The following CDC42BPB variants were observed in gnomAD, a reference collection of about 807,000 sequenced individuals.
CDC42BPB encodes serine/threonine-protein kinase MRCK beta.
Under a neutral mutation model 214.9 loss-of-function variants are expected in CDC42BPB, and 37 were observed. That is an observed-to-expected ratio of 0.17 (90% confidence interval 0.13 to 0.23). The LOEUF is 0.23. Ranked by LOEUF, CDC42BPB falls within the 10% of genes least tolerant of loss-of-function variation. The pLI is 1.00. For synonymous variants in CDC42BPB, 931 were observed against 884.0 expected (o/e 1.05, Z -0.94); for missense variants, 1,694 against 2,227.0 (o/e 0.76, Z 4.82).
At chr14:102,956,947 G>T (rs1472021521) in intron 21 of CDC42BPB, among the ~76,000 whole-genome samples, 1 of 150,144 alleles carries the variant, frequency 6.7e-6, no homozygotes, top group Non-Finnish European at 1.5e-5. Context: ...GGGAGGCTGA[G>T]GTGGGTGGAT....
intron 1 of CDC42BPB, among the ~76,000 whole-genome samples, chr14:103,024,561 C>T (rs1040756307): frequency 3.3e-5 from 5 of 152,168 alleles, no homozygotes; most frequent in East Asian, 3.8e-4. Flanking sequence ...AGCAACTATT[C>T]GTAACATCCA....
At position 102,933,759 on chromosome 14, in the gene CDC42BPB, T is replaced by C; in HGVS notation, c.5089A>G (p.Ser1697Gly). 6.7e-7 allele frequency: 1 copy of C among 1,497,788 alleles called. No individual in the cohort carries two copies. Among genetic ancestry groups the C allele is most frequent in the Non-Finnish European group, 8.8e-7 (1 of 1,138,336 alleles). 92.8% of individuals were successfully genotyped at this position (1,497,788 alleles called of 1,614,324 possible). A position where few individuals can be genotyped will look rare whatever the true frequency, so the allele number is the denominator to read the frequency against. Residue 1697 changes from serine (S) to glycine (G), a missense_variant, in exon 37 of 37, where the codon AGC (serine) becomes GGC (glycine). Transcript: ENST00000361246. ...GPPSPNSPHR[S>G]QLPLEGLEQP... ...TCCAGGCCTTCGAGGGGGAGCTGGC[T>C]CCTGTGGGGGGAGTTGGGGCTCGGT... is the stretch of plus-strand genomic sequence containing the variant.
At chr14:102,963,488 A>G (rs2285013) in intron 19 of CDC42BPB, among the ~76,000 whole-genome samples, 25,944 of 152,248 alleles carry the variant, frequency 0.17, 4,904 homozygotes, top group African/African-American at 0.47. Context: ...CGTCAGCCCC[A>G]TCAATATCTT....
At chr14:103,025,181 G>A (rs1016868985) in intron 1 of CDC42BPB, among the ~76,000 whole-genome samples, 1 of 152,140 alleles carries the variant, frequency 6.6e-6, no homozygotes, top group African/African-American at 2.4e-5. Flanking sequence ...GGTGAACTGT[G>A]TCTTTCAAAT....
At chr14:102,958,704 C>T (rs1322900016) in intron 21 of CDC42BPB, among the ~76,000 whole-genome samples, 1 of 152,116 alleles carries the variant, frequency 6.6e-6, no homozygotes, top group African/African-American at 2.4e-5. Context: ...GGGGGTTGGC[C>T]TCCTTGTGAG....
At chr14:102,941,511 G>A in intron 30 of CDC42BPB, 1 of 985,448 alleles carries the variant, frequency 1.0e-6, no homozygotes, top group Non-Finnish European at 1.2e-6. Flanking sequence ...AGGCCTCTGA[G>A]AACCAAGTCA....
chr14:103,024,693 T>C (rs1372503914), intron 1 of CDC42BPB, among the ~76,000 whole-genome samples: 1 of 152,256 alleles, frequency 6.6e-6, no homozygotes, highest in Non-Finnish European at 1.5e-5. Context: ...AAATATTTGA[T>C]GAAATATTCA....
rs34503178 is a variant in CDC42BPB at position 102,980,233 on chromosome 14, G to A, written c.1140+540C>T. Reference sequence around the variant, plus strand: ...AAGTAGGCTGGGCGCGATGGCTCACGCCTATAATCCCAGCACTTTGGGAGG... The same window carrying A: ...AAGTAGGCTGGGCGCGATGGCTCACACCTATAATCCCAGCACTTTGGGAGG... On this transcript the variant is annotated intron_variant, in intron 8 of 36. Coordinates refer to ENST00000361246, the MANE Select transcript of CDC42BPB (RefSeq NM_006035.4). 8.5e-5 allele frequency among the ~76,000 whole-genome samples: 13 copies of A among 152,330 alleles called. No individual in the cohort carries two copies. In the East Asian group the frequency reaches 2.5e-3, roughly 29 times the overall value.
At chr14:102,967,514 C>T (rs554100464) in intron 16 of CDC42BPB, among the ~76,000 whole-genome samples, 43 of 152,354 alleles carry the variant, frequency 2.8e-4, no homozygotes, top group African/African-American at 9.6e-4. Context: ...GTCTGAGAAA[C>T]GTGTCCTTGC....
chr14:103,029,298 T>C (rs1887216463), intron 1 of CDC42BPB, among the ~76,000 whole-genome samples: 1 of 152,182 alleles, frequency 6.6e-6, no homozygotes, highest in Admixed American at 6.5e-5. Context: ...TCCCAGCATT[T>C]TGGGAGGCCG....
intron 1 of CDC42BPB, among the ~76,000 whole-genome samples, chr14:103,029,631 C>T (rs1291241130): frequency 2.7e-5 from 4 of 148,634 alleles, no homozygotes; most frequent in East Asian, 2.0e-4. Flanking sequence ...CTGACATGGG[C>T]GGATCACGAG....
intron 30 of CDC42BPB, among the ~76,000 whole-genome samples, chr14:102,942,124 G>A (rs1244438499): frequency 1.3e-5 from 2 of 152,124 alleles, no homozygotes; most frequent in South Asian, 2.1e-4. Context: ...TGCCTATGAA[G>A]AGGACAGGGT....
At chr14:102,941,004 GTGAAACCAAGGAC>G (rs1350865539) in intron 30 of CDC42BPB, 3 of 605,350 alleles carry the variant, frequency 5.0e-6, no homozygotes. Context: ...TGCCACGGAT[GTGAAACCAAGGAC>G]TGCAAAGCCT....
intron 1 of CDC42BPB, among the ~76,000 whole-genome samples, chr14:103,053,711 G>C (rs778596870): frequency 1.4e-5 from 2 of 143,796 alleles, no homozygotes; most frequent in Non-Finnish European, 1.5e-5. Context: ...GCAGTGAGCC[G>C]AGATCCCGCC....
At chr14:103,012,741 G>A (rs1886227815) in intron 1 of CDC42BPB, among the ~76,000 whole-genome samples, 1 of 152,182 alleles carries the variant, frequency 6.6e-6, no homozygotes, top group African/African-American at 2.4e-5. Context: ...GGCGCCGGAG[G>A]TTACAATGAG....
chr14:102,940,183 C>CG (rs776342479), intron 31 of CDC42BPB, 44 bp downstream of exon 31: 1 of 1,612,996 alleles, frequency 6.2e-7, no homozygotes, highest in East Asian at 2.2e-5. Flanking sequence ...CAGACTGCAC[C>CG]GGGAGAAGCC....
chr14:103,000,401 G>A (rs912181520), intron 4 of CDC42BPB, among the ~76,000 whole-genome samples: 1 of 152,266 alleles, frequency 6.6e-6, no homozygotes, highest in Non-Finnish European at 1.5e-5. Context: ...GTCTCTTGCA[G>A]CACTCAGAAA....
intron 20 of CDC42BPB, among the ~76,000 whole-genome samples, chr14:102,962,425 A>ACG (rs2139435787): frequency 6.6e-6 from 1 of 152,370 alleles, no homozygotes; most frequent in Non-Finnish European, 1.5e-5. Context: ...TGGCCAGCCC[A>ACG]CGGCAGCGCA....
chr14:102,976,341 T>C (rs912443369), intron 9 of CDC42BPB: 3 of 399,772 alleles, frequency 7.5e-6, no homozygotes, highest in Non-Finnish European at 1.0e-5. Context: ...CCAGAAGGCA[T>C]GGATCCTGCG....
Sources: allele counts gnomAD v4.1 joint callset (sites outside exome capture counted in the v4.1 genomes callset), GRCh38; gene constraint gnomAD v4.1.1; transcripts MANE v1.5; gene names NCBI Gene and HGNC (gene_info 2026-07-23, HGNC 2026-07-21).